SYNE2: variants seen among roughly 807,000 people sequenced by gnomAD.
SYNE2 encodes nesprin-2.
In SYNE2, 431 loss-of-function variants were observed where a neutral mutation model predicts 856.3. The observed-to-expected ratio is 0.50, with a 90% CI of 0.47 to 0.55. The LOEUF (loss-of-function observed/expected upper bound fraction) is 0.55, where lower values mean the gene tolerates loss of function less well. Ranked by LOEUF, SYNE2 falls within the 20% of genes least tolerant of loss-of-function variation. SYNE2 has a pLI of 0.00. For missense variants in SYNE2, 8,129 were observed against 8,023.2 expected (o/e 1.01, Z -0.50); for synonymous variants, 2,923 against 2,872.3 (o/e 1.02, Z -0.56).
intron 1 of SYNE2, among the ~76,000 whole-genome samples, chr14:63,887,067 G>A (rs2095005043): frequency 6.6e-6 from 1 of 152,214 alleles, no homozygotes; most frequent in South Asian, 2.1e-4. Flanking sequence ...TAGATCACGA[G>A]GTCAAGAGAT....
At chr14:63,833,884 T>C (rs917588637) in intron 1 of SYNE2, among the ~76,000 whole-genome samples, 2 of 152,230 alleles carry the variant, frequency 1.3e-5, no homozygotes, top group Admixed American at 6.6e-5. Flanking sequence ...TTTTTTTTAA[T>C]GTGTCTGTAT....
At chr14:63,964,346 A>G (rs1358042248) in intron 10 of SYNE2, among the ~76,000 whole-genome samples, 1 of 152,110 alleles carries the variant, frequency 6.6e-6, no homozygotes, top group Non-Finnish European at 1.5e-5. Flanking sequence ...TGTTGTTGGA[A>G]CAGAGCCACA....
At chr14:63,950,095 C>A in intron 7 of SYNE2, 89 bp downstream of exon 7, 1 of 1,387,786 alleles carries the variant, frequency 7.2e-7, no homozygotes, top group Non-Finnish European at 1.0e-6. Flanking sequence ...CCTCACTTAA[C>A]ATGAAAATTC....
At chr14:64,129,960 T>G in intron 75 of SYNE2, 59 bp downstream of exon 75, 1 of 1,613,868 alleles carries the variant, frequency 6.2e-7, no homozygotes, top group Non-Finnish European at 8.5e-7. Flanking sequence ...CAGATCCTTT[T>G]CTTCCACCAG....
intron 85 of SYNE2, among the ~76,000 whole-genome samples, chr14:64,156,751 A>G (rs572528810): frequency 3.9e-5 from 6 of 151,950 alleles, no homozygotes; most frequent in African/African-American, 1.4e-4. Flanking sequence ...GAGCCACCAC[A>G]CCTGGCCGCC....
At chr14:64,191,233 C>G (rs1290971370) in intron 99 of SYNE2, 3 of 243,356 alleles carry the variant, frequency 1.2e-5, no homozygotes, top group African/African-American at 6.9e-5. Flanking sequence ...TTCTTTACCT[C>G]ATTGTTTACT....
intron 99 of SYNE2, chr14:64,190,726 G>C: frequency 3.0e-6 from 2 of 665,134 alleles, no homozygotes; most frequent in Non-Finnish European, 2.7e-6. Flanking sequence ...CAGAGTGCCA[G>C]GTCTCCCATG....
At chr14:64,107,380 A>G (rs2097778389) in intron 64 of SYNE2, 111 bp from the exon 65 acceptor site, 1 of 952,242 alleles carries the variant, frequency 1.1e-6, no homozygotes, top group Non-Finnish European at 1.7e-6. Context: ...ACTTCTCCAT[A>G]TCTGACTTTT....
rs780598890 is a variant in SYNE2 at position 64,126,339 on chromosome 14, G to C, written c.13567G>C (p.Glu4523Gln). The change falls in exon 72 of 116, where the codon GAA (glutamate) becomes CAA (glutamine). Residue 4523 changes from glutamate to glutamine, a missense_variant. Glu to Gln is a conservative substitution (Grantham distance 29). This residue lies in a region of SYNE2 where 5,410 missense variants were observed against 5,284.8 expected (regional missense o/e 1.02). Transcript: ENST00000555002. Reference protein sequence around the residue: ...SNLQTQENMTEEAYINLDKKL... With the variant: ...SNLQTQENMTQEAYINLDKKL... Reference sequence around the variant, plus strand: ...CCTCTTGATTCAGGAAAATATGACAGAAGAAGCATATATCAATTTGGATAA... The same window carrying C: ...CCTCTTGATTCAGGAAAATATGACACAAGAAGCATATATCAATTTGGATAA... 2 of 1,613,876 alleles carry C rather than the reference G, an allele frequency of 1.2e-6. No homozygotes were observed. The highest frequency in any genetic ancestry group is 4.5e-5 in the East Asian group (2 of 44,886).
intron 89 of SYNE2, among the ~76,000 whole-genome samples, chr14:64,163,880 T>G (rs899175041): frequency 7.9e-5 from 12 of 152,214 alleles, no homozygotes; most frequent in Non-Finnish European, 1.8e-4. Flanking sequence ...TAGAAGTAGC[T>G]GCTTAAAGCA....
At chr14:63,811,649 G>A (rs753313430) in intron 1 of SYNE2, among the ~76,000 whole-genome samples, 7 of 152,144 alleles carry the variant, frequency 4.6e-5, no homozygotes, top group Admixed American at 1.3e-4. Context: ...ATATTTCAAC[G>A]TAGGTTCTTT....
intron 19 of SYNE2, among the ~76,000 whole-genome samples, chr14:63,987,210 T>C (rs999998117): frequency 1.3e-5 from 2 of 151,854 alleles, no homozygotes; most frequent in East Asian, 3.9e-4. Flanking sequence ...GAGCCGAGAT[T>C]GCACCACCGC....
intron 2 of SYNE2, among the ~76,000 whole-genome samples, chr14:63,918,807 G>A (rs572660731): frequency 7.2e-5 from 11 of 152,208 alleles, no homozygotes; most frequent in African/African-American, 2.4e-4. Context: ...TAAGGTAAAG[G>A]GCACCTGGCT....
chr14:64,169,258 G>A (rs1399492326), intron 93 of SYNE2, among the ~76,000 whole-genome samples: 5 of 152,182 alleles, frequency 3.3e-5, no homozygotes, highest in Non-Finnish European at 5.9e-5. Flanking sequence ...CTAAGTTTGT[G>A]CCCCCAAATG....
intron 1 of SYNE2, among the ~76,000 whole-genome samples, chr14:63,846,005 A>C (rs555383918): frequency 6.6e-6 from 1 of 150,690 alleles, no homozygotes; most frequent in East Asian, 1.9e-4. Context: ...TGGCCTCCCA[A>C]AGTGCTGGGA....
chr14:63,986,448 T>G lies in SYNE2; in HGVS notation c.2152-8T>G. ...ACATTTTCTCAGTGGTACTTTTGAA[T>G]GTTGTAGGCTGGAGAGAAACATGAA... On this transcript the variant is annotated splice_region_variant and splice_polypyrimidine_tract_variant and intron_variant, in intron 18 of 115. Coordinates refer to ENST00000555002, the MANE Select transcript of SYNE2 (RefSeq NM_182914.3). The G allele has an allele frequency of 6.2e-7, 1 of 1,613,960 alleles. No individual in the cohort carries two copies. Among genetic ancestry groups the G allele is most frequent in the Non-Finnish European group, 8.5e-7 (1 of 1,179,932 alleles).
intron 1 of SYNE2, among the ~76,000 whole-genome samples, chr14:63,797,223 C>G (rs1158409378): frequency 6.6e-6 from 1 of 151,566 alleles, no homozygotes; most frequent in African/African-American, 2.4e-5. Context: ...ATGGTGAAAC[C>G]CTGTAAAAAT....
intron 110 of SYNE2, 51 bp downstream of exon 110, chr14:64,219,461 G>A (rs186926717): frequency 1.1e-4 from 165 of 1,568,218 alleles, no homozygotes; most frequent in South Asian, 7.4e-4. Flanking sequence ...GCATGTGAAC[G>A]CATTGCTATG....
At chr14:64,209,013 A>C in intron 101 of SYNE2, 68 bp downstream of exon 101, 32 of 1,540,804 alleles carry the variant, frequency 2.1e-5, no homozygotes, top group Non-Finnish European at 2.6e-5. Flanking sequence ...TTCTGACCTC[A>C]TTCACAGTAA....
Sources: allele counts gnomAD v4.1 joint callset (sites outside exome capture counted in the v4.1 genomes callset), GRCh38; gene constraint gnomAD v4.1.1; regional missense constraint gnomAD v4.1.1; transcripts MANE v1.5; gene names NCBI Gene and HGNC (gene_info 2026-07-23, HGNC 2026-07-21).